Variants in PCDHGB6 observed in about 807,000 individuals in gnomAD.
The protein encoded by PCDHGB6 is protocadherin gamma subfamily B, 6.
Under a neutral mutation model 59.1 loss-of-function variants are expected in PCDHGB6, and 51 were observed. The observed-to-expected ratio is 0.86, with a 90% confidence interval of 0.69 to 1.09. The LOEUF is 1.09. Among genes scored for constraint, PCDHGB6 ranks in the 50% least tolerant of loss-of-function variants. The pLI, the probability that PCDHGB6 is intolerant of heterozygous loss-of-function variation, is 0.00. For synonymous variants in PCDHGB6, 466 were observed against 495.1 expected, an observed-to-expected ratio of 0.94 and a Z score of 0.78; for missense variants, 1,148 against 1,205.1, an observed-to-expected ratio of 0.95 and a Z score of 0.70.
chr5:141,477,431 G>T lies in PCDHGB6; in HGVS notation c.2419-17376G>T. 3 of 1,614,080 alleles carry T rather than the reference G, an allele frequency of 1.9e-6. No homozygotes were observed. The highest frequency in any genetic ancestry group is 2.5e-6 in the Non-Finnish European group (3 of 1,180,012). On this transcript the variant is annotated intron_variant, in intron 1 of 3. Transcript: ENST00000520790. This position sits in a 1 kb window ranked among gnomAD's most constrained non-coding sequence, Gnocchi z 4.9. ...AGACGCCGGAACCCCTTCCCTCTCA[G>T]CCCTTACAATAGTGCGTGTTCAAGT...
Position 141,424,165 on chromosome 5 carries a change from A to G in PCDHGB6, c.2418+13545A>G, listed in dbSNP as rs1328883463. 2.8e-5 allele frequency: 7 copies of G among 251,918 alleles called. No individual in the cohort carries two copies. The South Asian group carries it at 4.6e-4, about 17-fold the overall frequency. The allele number at this position is 251,918 out of a possible 1,614,324, so 15.6% of individuals were successfully genotyped here. On this transcript the variant is annotated intron_variant, in intron 1 of 3. Transcript: ENST00000520790. Reference sequence around the variant, plus strand: ...CTCCCTCTAGCTCTCCTTCTCATCTATCTATCTATACACATGCACACACAC... The same window carrying G: ...CTCCCTCTAGCTCTCCTTCTCATCTGTCTATCTATACACATGCACACACAC...
At position 141,489,094 on chromosome 5, in the gene PCDHGB6, G is replaced by GAAA. The variant is rs2154581134; in HGVS notation, c.2419-5711_2419-5710insAAA. On this transcript the variant is annotated intron_variant, in intron 1 of 3. Coordinates refer to ENST00000520790, the MANE Select transcript of PCDHGB6 (RefSeq NM_018926.3). The surrounding 1 kb of genome is among the most constrained non-coding windows in gnomAD (Gnocchi z 4.5). ...CCCACCCCCGCCACTCGGTGACTAA[G>GAAA]AACTGCTGCAAGCAGGCAAACCTCC... The GAAA allele has an allele frequency of 5.1e-6, 2 of 396,028 alleles. No homozygotes were observed. Among genetic ancestry groups the GAAA allele is most frequent in the South Asian group, 4.8e-5 (1 of 20,814 alleles). The allele number at this position is 396,028 out of a possible 1,614,324, so 24.5% of individuals were successfully genotyped here.
At chr5:141,499,127 A>G (rs1198571084) in intron 2 of PCDHGB6, among the ~76,000 whole-genome samples, 1 of 152,134 alleles carries the variant, frequency 6.6e-6, no homozygotes, top group Non-Finnish European at 1.5e-5. Flanking sequence ...TTCTCAGGTC[A>G]TCCTTTGGGT....
rs534816363 is a variant in PCDHGB6, at chr5:141,456,234, G to T, written c.2419-38573G>T. Among the ~76,000 whole-genome samples the T allele has an allele frequency of 2.2e-4, 33 of 152,224 alleles. 1 individual carries two copies. The South Asian group carries it at 6.9e-3, about 32-fold the overall frequency. On this transcript the variant is annotated intron_variant, in intron 1 of 3. Transcript: ENST00000520790. ...CTGTGGCGATATCAAACTAACTGCT[G>T]TTAGGAGGCTTTGGGCGACCATTGC...
At position 141,489,219 on chromosome 5, in the gene PCDHGB6, T is replaced by C; in HGVS notation, c.2419-5588T>C. 1 of 1,502,828 alleles carries C rather than the reference T, an allele frequency of 6.7e-7. No homozygotes were observed. Among genetic ancestry groups the C allele is most frequent in the Non-Finnish European group, 8.9e-7 (1 of 1,117,962 alleles). 93.1% of individuals were successfully genotyped at this position (1,502,828 alleles called of 1,614,324 possible). On this transcript the variant is annotated intron_variant, in intron 1 of 3. Transcript: ENST00000520790. This position sits in a 1 kb window ranked among gnomAD's most constrained non-coding sequence, Gnocchi z 4.5. ...GAGACAGGACAGCACAGACTTACTC[T>C]CCACAAAGGGACTTCTGGGTCATGG...
chr5:141,408,967 G>GC lies in PCDHGB6; in HGVS notation c.770dup (p.Gly258TrpfsTer11). ...ATAGAATTAGTCTTAGTGAAAATCT[G>GC]CCCCCTGGGTCCCCTGTGTTGCAAG... is the stretch of plus-strand genomic sequence containing the variant. On this transcript the variant is annotated frameshift_variant, in exon 1 of 4. Coordinates refer to ENST00000520790, the MANE Select transcript of PCDHGB6 (RefSeq NM_018926.3). LOFTEE classifies it high-confidence loss of function. 2 of 1,613,782 alleles carry GC rather than the reference G, an allele frequency of 1.2e-6. No homozygotes were observed. The highest frequency in any genetic ancestry group is 1.7e-6 in the Non-Finnish European group (2 of 1,179,844).
At chr5:141,437,983 A>C (rs544812394) in intron 1 of PCDHGB6, among the ~76,000 whole-genome samples, 1 of 152,056 alleles carries the variant, frequency 6.6e-6, no homozygotes, top group Admixed American at 6.5e-5. Context: ...GGATGCACCC[A>C]CCCCACCTCA....
intron 1 of PCDHGB6, among the ~76,000 whole-genome samples, chr5:141,453,479 A>G (rs1345415084): frequency 1.3e-5 from 2 of 152,082 alleles, no homozygotes; most frequent in Non-Finnish European, 2.9e-5. Context: ...AGTCAAAACT[A>G]TTAAAAAAAG....
chr5:141,418,504 A>T (rs761133198), intron 1 of PCDHGB6: 32 of 1,613,904 alleles, frequency 2.0e-5, no homozygotes, highest in Non-Finnish European at 2.7e-5. Context: ...TGACCGCCTT[A>T]GATGGTGGGG....
At chr5:141,501,013 C>T (rs1456343329) in intron 2 of PCDHGB6, among the ~76,000 whole-genome samples, 2 of 151,970 alleles carry the variant, frequency 1.3e-5, no homozygotes, top group Non-Finnish European at 2.9e-5. Context: ...GGACTACAGG[C>T]ACGCGCCACC....
intron 2 of PCDHGB6, among the ~76,000 whole-genome samples, chr5:141,502,194 T>C (rs1470985683): frequency 2.6e-5 from 4 of 152,212 alleles, no homozygotes; most frequent in Non-Finnish European, 4.4e-5. Flanking sequence ...TACAATAATA[T>C]AGAATCCACC....
intron 2 of PCDHGB6, among the ~76,000 whole-genome samples, chr5:141,495,700 T>A (rs2099763052): frequency 6.6e-6 from 1 of 152,228 alleles, no homozygotes; most frequent in Non-Finnish European, 1.5e-5. Flanking sequence ...GCTCAATAAA[T>A]GTGGAGTGAG....
Position 141,476,364 on chromosome 5 carries a change from C to T in PCDHGB6, c.2419-18443C>T, listed in dbSNP as rs1462808655. The T allele has an allele frequency of 6.2e-7, 1 of 1,614,036 alleles. No homozygotes were observed. The highest frequency in any genetic ancestry group is 8.5e-7 in the Non-Finnish European group (1 of 1,180,026). Reference sequence around the variant, plus strand: ...AGATTCTTTGAGGTGAACCGGGAGACCGGAGAGATGTTTGTGAACGACCGT... The same window carrying T: ...AGATTCTTTGAGGTGAACCGGGAGATCGGAGAGATGTTTGTGAACGACCGT... On this transcript the variant is annotated intron_variant, in intron 1 of 3. Coordinates refer to ENST00000520790, the MANE Select transcript of PCDHGB6 (RefSeq NM_018926.3). This position sits in a 1 kb window ranked among gnomAD's most constrained non-coding sequence, Gnocchi z 7.6.
intron 1 of PCDHGB6, chr5:141,418,445 T>C (rs2154547687): frequency 2.5e-6 from 4 of 1,614,038 alleles, no homozygotes; most frequent in East Asian, 2.2e-5. Context: ...AGAATTAGTA[T>C]TGCAGAAGAC....
At chr5:141,475,884 G>C (rs998700290) in intron 1 of PCDHGB6, 1 of 557,810 alleles carries the variant, frequency 1.8e-6, no homozygotes, top group Non-Finnish European at 3.2e-6. Flanking sequence ...TATTGGCTGG[G>C]ACTCTGTGTG....
Position 141,490,398 on chromosome 5 carries a change from C to A in PCDHGB6, c.2419-4409C>A. 1 of 1,614,168 alleles carries A rather than the reference C, an allele frequency of 6.2e-7. No homozygotes were observed. Among genetic ancestry groups the A allele is most frequent in the South Asian group, 1.1e-5 (1 of 91,088 alleles). On this transcript the variant is annotated intron_variant, in intron 1 of 3. Coordinates refer to ENST00000520790, the MANE Select transcript of PCDHGB6 (RefSeq NM_018926.3). This position sits in a 1 kb window ranked among gnomAD's most constrained non-coding sequence, Gnocchi z 5.4. ...ACTCAGGTAGAAATGGTGAAGTGAG[C>A]CTTGATATCTCTCCGGACCTGCCAT...
Position 141,489,601 on chromosome 5 carries a change from G to A in PCDHGB6, c.2419-5206G>A. On this transcript the variant is annotated intron_variant, in intron 1 of 3. Transcript: ENST00000520790. This position sits in a 1 kb window ranked among gnomAD's most constrained non-coding sequence, Gnocchi z 4.5. ...CCCCCTGGAGCTAATCCGTGTAGAG[G>A]TAGAGATCCTGGATCTCAATGACAA... 2 of 1,614,042 alleles carry A rather than the reference G, an allele frequency of 1.2e-6. No individual in the cohort carries two copies. Among genetic ancestry groups the A allele is most frequent in the East Asian group, 4.5e-5 (2 of 44,882 alleles).
chr5:141,461,088 G>A (rs2099008870), intron 1 of PCDHGB6, among the ~76,000 whole-genome samples: 1 of 151,800 alleles, frequency 6.6e-6, no homozygotes, highest in Non-Finnish European at 1.5e-5. Context: ...GAATTGTGCT[G>A]CTATAAACAT....
chr5:141,509,346 G>A (rs946395640), intron 3 of PCDHGB6, among the ~76,000 whole-genome samples: 7 of 152,194 alleles, frequency 4.6e-5, no homozygotes, highest in Non-Finnish European at 8.8e-5. Flanking sequence ...GCCTGGGCTG[G>A]CCTGGGCATC....
Sources: gnomAD v4.1 joint callset for allele counts (sites outside exome capture counted in the v4.1 genomes callset) on GRCh38, gnomAD v4.1.1 for gene constraint, Gnocchi (gnomAD v3.1) non-coding constraint, MANE v1.5 for transcripts, NCBI Gene and HGNC (gene_info 2026-07-23, HGNC 2026-07-21) for gene names.